The following DOP1B variants were observed in gnomAD, a reference collection of about 807,000 sequenced individuals.
The protein encoded by DOP1B is DOP1 leucine zipper like protein B.
A neutral mutation model predicts 233.5 loss-of-function variants in DOP1B; 174 were observed. That is an observed-to-expected ratio of 0.75 (90% CI 0.66 to 0.85). The LOEUF (loss-of-function observed/expected upper bound fraction) is 0.85. Ranked by LOEUF, DOP1B falls within the 40% of genes least tolerant of loss-of-function variation. The pLI, the probability that DOP1B is intolerant of heterozygous loss-of-function variation, is 0.00. For synonymous variants in DOP1B, 1,190 were observed against 1,185.6 expected (o/e 1.00, Z -0.08); for missense variants, 2,652 against 2,846.6 (o/e 0.93, Z 1.56).
chr21:36,260,173 G>A (rs1426620107), intron 23 of DOP1B, among the ~76,000 whole-genome samples: 1 of 138,070 alleles, frequency 7.2e-6, no homozygotes, highest in Non-Finnish European at 1.6e-5. Flanking sequence ...AAAAAAAAAG[G>A]AAAGAAGGAA....
Position 36,230,838 on chromosome 21 carries a change from A to G in DOP1B, c.2054A>G (p.Lys685Arg). The G allele has an allele frequency of 1.9e-6, 3 of 1,614,116 alleles. No homozygotes were observed. Among genetic ancestry groups the G allele is most frequent in the Non-Finnish European group, 2.5e-6 (3 of 1,179,982 alleles). ...DSSRKNSWEP[K>R]PITVPQFKQM... is the part of the protein sequence containing the mutation. ...AGCAGGAAGAACTCTTGGGAGCCCAAGCCCATCACTGTGCCTCAGTTCAAG... is the reference window on the plus strand; with the variant it reads ...AGCAGGAAGAACTCTTGGGAGCCCAGGCCCATCACTGTGCCTCAGTTCAAG... The change falls in exon 14 of 37, where the codon AAG becomes AGG. Residue 685 changes from lysine (K) to arginine (R), a missense_variant. Around this residue, in one of 3 missense-constraint regions of DOP1B, gnomAD observed 2,617 missense variants for 2,794.3 expected, o/e 0.94. Transcript: ENST00000691173.
At chr21:36,193,445 G>GGCCT (rs1259952255) in intron 2 of DOP1B, among the ~76,000 whole-genome samples, 1 of 152,064 alleles carries the variant, frequency 6.6e-6, no homozygotes, top group Non-Finnish European at 1.5e-5. Flanking sequence ...CTGGGTATAG[G>GGCCT]GCAGGACGCC....
intron 27 of DOP1B, 93 bp downstream of exon 27, chr21:36,270,250 A>G: frequency 7.0e-7 from 1 of 1,432,962 alleles, no homozygotes; most frequent in Non-Finnish European, 9.5e-7. Flanking sequence ...CACCACAAAA[A>G]GAAAGAAAGT....
intron 2 of DOP1B, 111 bp downstream of exon 2, chr21:36,164,982 C>T (rs1389676509): frequency 1.1e-6 from 1 of 924,528 alleles, no homozygotes; most frequent in Non-Finnish European, 1.4e-6. Context: ...ATCTTTATAT[C>T]ATTACATATT....
chr21:36,262,515 C>T (rs976120877), intron 24 of DOP1B, among the ~76,000 whole-genome samples: 1 of 152,128 alleles, frequency 6.6e-6, no homozygotes, highest in African/African-American at 2.4e-5. Flanking sequence ...TGTCCTGGGA[C>T]CTAATGCTTT....
intron 18 of DOP1B, among the ~76,000 whole-genome samples, chr21:36,243,694 CA>C (rs1426701223): frequency 1.3e-5 from 2 of 151,324 alleles, no homozygotes; most frequent in African/African-American, 4.9e-5. Context: ...TTTTTAGAGA[CA>C]GGGGTCTCAC....
At chr21:36,207,254 G>A (rs1390855832) in intron 4 of DOP1B, among the ~76,000 whole-genome samples, 1 of 149,862 alleles carries the variant, frequency 6.7e-6, no homozygotes, top group Non-Finnish European at 1.5e-5. Flanking sequence ...ACGGCCTCTC[G>A]GCTCACTGCA....
At chr21:36,263,984 C>T (rs1276081056) in intron 26 of DOP1B, among the ~76,000 whole-genome samples, 170 bp downstream of exon 26, 1 of 152,226 alleles carries the variant, frequency 6.6e-6, no homozygotes, top group Non-Finnish European at 1.5e-5. Context: ...AGAGTTCGGA[C>T]AGTCCCGGGG....
At chr21:36,183,246 C>G (rs947453264) in intron 2 of DOP1B, among the ~76,000 whole-genome samples, 2 of 152,204 alleles carry the variant, frequency 1.3e-5, no homozygotes, top group Non-Finnish European at 2.9e-5. Flanking sequence ...GCCAGTATCA[C>G]CCCCTCCTCC....
chr21:36,178,081 T>A (rs1289410510), intron 2 of DOP1B, among the ~76,000 whole-genome samples: 1 of 152,196 alleles, frequency 6.6e-6, no homozygotes, highest in Non-Finnish European at 1.5e-5. Flanking sequence ...CAAACTCATA[T>A]GCTGAAGTCT....
chr21:36,216,465 G>A (rs917642461), intron 9 of DOP1B, among the ~76,000 whole-genome samples: 2 of 151,842 alleles, frequency 1.3e-5, no homozygotes, highest in African/African-American at 2.4e-5. Flanking sequence ...ACAAAAATTA[G>A]CCAGGCATGA....
Position 36,292,137 on chromosome 21 carries a change from A to AGAGG in DOP1B, c.6551_6554dup (p.Pro2186GlyfsTer35). The AGAGG allele has an allele frequency of 6.2e-7, 1 of 1,611,460 alleles. No homozygotes were observed. The highest frequency in any genetic ancestry group is 8.5e-7 in the Non-Finnish European group (1 of 1,179,140). ...GGGCATTTATTCCAGAAGTGGACAC[A>AGAGG]GAGGGCCCTGCCTTCCTGTCGGATG... On this transcript the variant is annotated frameshift_variant, in exon 36 of 37. Transcript: ENST00000691173. LOFTEE classifies it high-confidence loss of function.
Position 36,200,265 on chromosome 21 carries a change from T to C in DOP1B, c.321-66T>C. 2 of 1,499,942 alleles carry C rather than the reference T, an allele frequency of 1.3e-6. 1 individual carries two copies. Among genetic ancestry groups the C allele is most frequent in the South Asian group, 2.7e-5 (2 of 74,142 alleles). The allele number at this position is 1,499,942 out of a possible 1,614,324, so 92.9% of individuals were successfully genotyped here. ...CTTGTGAAAACTCCCCTCGGCTGGC[T>C]TGTCACCTGGGACTTCTGACTGGGT... is the stretch of plus-strand genomic sequence containing the variant. On this transcript the variant is annotated intron_variant, in intron 3 of 36. Transcript: ENST00000691173.
At position 36,230,786 on chromosome 21, in the gene DOP1B, A is replaced by G. The variant is rs1415704895; in HGVS notation, c.2002A>G (p.Thr668Ala). The part of the protein sequence containing the change: ...EPAGKRDRDG[T>A]QSLAANDSSR... ...TGCAGGGAAGAGGGACAGGGATGGGACGCAGAGCCTGGCAGCCAATGATTC... is the reference window on the plus strand; with the variant it reads ...TGCAGGGAAGAGGGACAGGGATGGGGCGCAGAGCCTGGCAGCCAATGATTC... Residue 668 changes from threonine to alanine, a missense_variant, in exon 14 of 37, where the codon ACG (threonine) becomes GCG (alanine). Thr to Ala is a moderately conservative substitution (Grantham distance 58, BLOSUM62 0). Coordinates refer to ENST00000691173, the MANE Select transcript of DOP1B (RefSeq NM_001320714.2). The G allele has an allele frequency of 6.2e-7, 1 of 1,614,178 alleles. No individual in the cohort carries two copies. Among genetic ancestry groups the G allele is most frequent in the South Asian group, 1.1e-5 (1 of 91,084 alleles).
At chr21:36,182,256 T>C (rs2066108159) in intron 2 of DOP1B, among the ~76,000 whole-genome samples, 1 of 152,210 alleles carries the variant, frequency 6.6e-6, no homozygotes, top group African/African-American at 2.4e-5. Context: ...ATAACCATTC[T>C]GCCCTCTTCT....
chr21:36,236,176 C>A (rs1447144927), intron 15 of DOP1B, among the ~76,000 whole-genome samples: 2 of 152,198 alleles, frequency 1.3e-5, no homozygotes, highest in Non-Finnish European at 2.9e-5. Flanking sequence ...GGGGACCAGC[C>A]CTCCTTCTGG....
intron 2 of DOP1B, 98 bp from the exon 3 acceptor site, chr21:36,198,972 G>A: frequency 2.3e-6 from 3 of 1,296,252 alleles, no homozygotes; most frequent in Non-Finnish European, 3.2e-6. Context: ...CAGCCACACT[G>A]GGACATGGCT....
At chr21:36,236,276 T>G (rs148607812) in intron 15 of DOP1B, among the ~76,000 whole-genome samples, 196 of 152,324 alleles carry the variant, frequency 1.3e-3, no homozygotes, top group African/African-American at 4.6e-3. Flanking sequence ...GCATGTTTAA[T>G]GAGCTCAGTT....
chr21:36,275,925 T>C (rs1178199013), intron 27 of DOP1B, among the ~76,000 whole-genome samples: 1 of 152,068 alleles, frequency 6.6e-6, no homozygotes, highest in Non-Finnish European at 1.5e-5. Context: ...GCTGGGTAGT[T>C]AGGCAGTAGG....
Sources: gnomAD v4.1 joint callset for allele counts (sites outside exome capture counted in the v4.1 genomes callset) on GRCh38, gnomAD v4.1.1 for gene constraint, gnomAD v4.1.1 regional missense constraint, MANE v1.5 for transcripts, NCBI Gene and HGNC (gene_info 2026-07-23, HGNC 2026-07-21) for gene names.